NLGN1: variants seen among roughly 807,000 people sequenced by gnomAD.
NLGN1 encodes the protein neuroligin 1.
NLGN1 carries 12 observed loss-of-function variants against 65.5 expected under a neutral mutation model. The ratio of observed to expected loss-of-function variants is 0.18; its 90% CI spans 0.12 to 0.30. The LOEUF is 0.30. Among genes scored for constraint, NLGN1 ranks in the 10% least tolerant of loss-of-function variants. The probability of loss-of-function intolerance (pLI) is 1.00; values close to 1 mark genes in which losing one functional copy is unlikely to be tolerated. For synonymous variants in NLGN1, 350 were observed against 359.5 expected (o/e 0.97, Z 0.30); for missense variants, 750 against 1,007.1 (o/e 0.74, Z 3.46).
intron 3 of NLGN1, among the ~76,000 whole-genome samples, chr3:173,758,813 G>A (rs1777525256): frequency 1.3e-5 from 2 of 151,910 alleles, no homozygotes; most frequent in African/African-American, 2.4e-5. Flanking sequence ...ACGCAGTGTA[G>A]GTTCTGATAT....
intron 3 of NLGN1, among the ~76,000 whole-genome samples, chr3:173,655,629 T>C (rs1329273600): frequency 6.6e-6 from 1 of 152,142 alleles, no homozygotes; most frequent in African/African-American, 2.4e-5. Flanking sequence ...ACGTTGAAAT[T>C]ATTTCTGGAT....
intron 3 of NLGN1, among the ~76,000 whole-genome samples, chr3:173,650,138 A>AT (rs5854527): frequency 0.21 from 31,414 of 151,716 alleles, 3,563 homozygotes; most frequent in African/African-American, 0.3. Context: ...TTACAGTTTG[A>AT]TTTTTTTTAA....
At chr3:173,928,402 T>G (rs1743409347) in intron 4 of NLGN1, among the ~76,000 whole-genome samples, 1 of 152,206 alleles carries the variant, frequency 6.6e-6, no homozygotes, top group Admixed American at 6.5e-5. Flanking sequence ...CTTAAGTATC[T>G]TATCTCTTAA....
chr3:174,197,518 C>CAAAAAAAAAAA lies in NLGN1; in HGVS notation c.647-77788_647-77778dup, dbSNP rs10663769. 1.0e-2 allele frequency among the ~76,000 whole-genome samples: 996 copies of CAAAAAAAAAAA among 99,942 alleles called. 26 individuals are homozygous for CAAAAAAAAAAA. Among genetic ancestry groups the CAAAAAAAAAAA allele is most frequent in the African/African-American group, 0.016 (375 of 23,836 alleles). 65.6% of individuals were successfully genotyped at this position (99,942 alleles called of 152,430 possible). A position where few individuals can be genotyped will look rare whatever the true frequency, so the allele number is the denominator to read the frequency against. On this transcript the variant is annotated intron_variant, in intron 4 of 6. Transcript: ENST00000457714. ...TTTCTTGAGCTACGGTACTTAACCT[C>CAAAAAAAAAAA]AAAAAAAAAAAAAAAAAAAGGAGAA...
chr3:174,256,567 C>T (rs890194033), intron 4 of NLGN1, among the ~76,000 whole-genome samples: 26 of 151,774 alleles, frequency 1.7e-4, no homozygotes, highest in East Asian at 3.9e-4. Flanking sequence ...GTGTGTGTGG[C>T]GGTGTGTTGG....
intron 3 of NLGN1, among the ~76,000 whole-genome samples, chr3:173,707,844 G>A (rs1768289425): frequency 6.6e-6 from 1 of 152,132 alleles, no homozygotes; most frequent in Non-Finnish European, 1.5e-5. Context: ...GGATATGGTA[G>A]CACTCAAAAA....
chr3:173,649,525 A>G (rs904118055), intron 3 of NLGN1, among the ~76,000 whole-genome samples: 6 of 152,142 alleles, frequency 3.9e-5, no homozygotes, highest in Admixed American at 3.9e-4. Flanking sequence ...TTGAGTCCAC[A>G]TTGTTATTTT....
chr3:173,788,756 G>T (rs1711884441), intron 3 of NLGN1, among the ~76,000 whole-genome samples: 2 of 149,664 alleles, frequency 1.3e-5, no homozygotes. Flanking sequence ...AGGAGTTGGA[G>T]GCTGTAGTGT....
At chr3:174,223,200 C>G (rs13074635) in intron 4 of NLGN1, among the ~76,000 whole-genome samples, 75,882 of 151,908 alleles carry the variant, frequency 0.5, 20,044 homozygotes, top group East Asian at 0.77. Flanking sequence ...CACTTCACCT[C>G]ACGCCCCTAA....
chr3:173,744,573 G>A lies in NLGN1; in HGVS notation c.494-63107G>A, dbSNP rs78127524. Among the ~76,000 whole-genome samples, 1,041 of 152,252 alleles carry A rather than the reference G, an allele frequency of 6.8e-3. 10 individuals are homozygous for A. The highest frequency in any genetic ancestry group is 0.024 in the African/African-American group (993 of 41,584). On this transcript the variant is annotated intron_variant, in intron 3 of 6. Coordinates refer to ENST00000457714, the Ensembl canonical transcript of NLGN1. ...ACTTCTGTGAAAAGGTAACAACGTA[G>A]CTGAGATCCGAGAGATAAGTAGGAG...
chr3:173,677,467 A>C (rs1763326929), intron 3 of NLGN1, among the ~76,000 whole-genome samples: 1 of 151,928 alleles, frequency 6.6e-6, no homozygotes, highest in African/African-American at 2.4e-5. Flanking sequence ...GTCATTTAAA[A>C]CCTTCAAGTT....
intron 4 of NLGN1, among the ~76,000 whole-genome samples, chr3:174,184,169 C>A (rs4894647): frequency 0.75 from 113,591 of 151,912 alleles, 42,517 homozygotes; most frequent in Admixed American, 0.77. Context: ...GCAGTAAAAC[C>A]AATGAAATAT....
At chr3:174,240,287 TAATA>T (rs1039538787) in intron 4 of NLGN1, among the ~76,000 whole-genome samples, 1 of 151,860 alleles carries the variant, frequency 6.6e-6, no homozygotes, top group African/African-American at 2.4e-5. Flanking sequence ...AGAAAGAACA[TAATA>T]CATATGATAT....
At chr3:173,777,848 A>G (rs1348004842) in intron 3 of NLGN1, among the ~76,000 whole-genome samples, 2 of 151,878 alleles carry the variant, frequency 1.3e-5, no homozygotes, top group Non-Finnish European at 3.0e-5. Flanking sequence ...TCCAAACTCC[A>G]TGCTGGTCTG....
At chr3:173,407,194 G>A (rs1718851489) in intron 1 of NLGN1, among the ~76,000 whole-genome samples, 1 of 152,110 alleles carries the variant, frequency 6.6e-6, no homozygotes, top group Non-Finnish European at 1.5e-5. Context: ...TAAATGCGTA[G>A]AATCACATTT....
chr3:173,585,273 C>G (rs1335041601), intron 2 of NLGN1, among the ~76,000 whole-genome samples: 1 of 152,220 alleles, frequency 6.6e-6, no homozygotes, highest in African/African-American at 2.4e-5. Flanking sequence ...TTGAAAATCT[C>G]TCAGTTGGGA....
At chr3:174,277,455 TTTAG>T (rs1160285696) in intron 5 of NLGN1, among the ~76,000 whole-genome samples, 1 of 151,958 alleles carries the variant, frequency 6.6e-6, no homozygotes, top group African/African-American at 2.4e-5. Context: ...TTTCGGTATA[TTTAG>T]TTAATGTTGA....
chr3:173,750,254 A>G (rs565645376), intron 3 of NLGN1, among the ~76,000 whole-genome samples: 2 of 151,912 alleles, frequency 1.3e-5, no homozygotes, highest in Admixed American at 1.3e-4. Flanking sequence ...AGCCTTTTTC[A>G]TGTTGTCCAG....
chr3:174,010,659 T>C (rs1157398902), intron 4 of NLGN1, among the ~76,000 whole-genome samples: 2 of 152,168 alleles, frequency 1.3e-5, no homozygotes, highest in Admixed American at 6.5e-5. Context: ...AAATATTTTA[T>C]AACAGGTAAA....
Sources: allele counts gnomAD v4.1 joint callset (sites outside exome capture counted in the v4.1 genomes callset), GRCh38; gene constraint gnomAD v4.1.1; transcripts MANE v1.5; gene names NCBI Gene and HGNC (gene_info 2026-07-23, HGNC 2026-07-21).